CEACAM21: variants seen among roughly 807,000 people sequenced by gnomAD.
CEACAM21 encodes the protein cell adhesion molecule CEACAM21.
CEACAM21 carries 38 observed loss-of-function variants against 33.2 expected under a neutral mutation model. The ratio of observed to expected loss-of-function variants is 1.14; its 90% CI spans 0.88 to 1.50. The LOEUF (loss-of-function observed/expected upper bound fraction) is 1.50, where lower values mean the gene tolerates loss of function less well. Among genes scored for constraint, CEACAM21 ranks in the 40% most tolerant of loss-of-function variants. CEACAM21 has a pLI of 0.00. For missense variants in CEACAM21, 385 were observed against 364.6 expected, an observed-to-expected ratio of 1.06 and a Z score of -0.46; for synonymous variants, 156 against 143.0, an observed-to-expected ratio of 1.09 and a Z score of -0.65.
At chr19:41,572,556 G>C (rs568289033), upstream of CEACAM21, among the ~76,000 whole-genome samples, 1 of 152,156 alleles carries the variant, frequency 6.6e-6, no homozygotes, top group Non-Finnish European at 1.5e-5. Flanking sequence ...CTGCTCTCTC[G>C]CCCAATGTTC....
intron 6 of CEACAM21, 64 bp downstream of exon 6, chr19:41,585,935 G>A: frequency 6.5e-7 from 1 of 1,541,628 alleles, no homozygotes; most frequent in Non-Finnish European, 8.9e-7. Context: ...TCAGGGCAGG[G>A]GGACTGTCAA....
rs1232057161 is a variant in CEACAM21, at chr19:41,585,492, C to A, written c.847C>A (p.Pro283Thr). The A allele has an allele frequency of 1.9e-6, 3 of 1,613,718 alleles. No homozygotes were observed. The highest frequency in any genetic ancestry group is 1.3e-5 in the African/African-American group (1 of 74,880). The change falls in exon 5 of 7, where the codon CCC (proline) becomes ACC (threonine). Residue 283 changes from proline (P) to threonine (T), a missense_variant. Physicochemically the swap from Pro to Thr is conservative, Grantham distance 38 (BLOSUM62 -1). Coordinates refer to ENST00000401445, the MANE Select transcript of CEACAM21 (RefSeq NM_001098506.4). ...GGAGCAGCAGCCCCCAGCCTCCACC[C>A]CCGGTGAGTGTCCCTTCAGTCTGGG... ...FREQQPPAST[P>T]GHGPSDSSIS is the part of the protein sequence containing the mutation.
chr19:41,554,013 T>C (rs578159453), intron 1 of CEACAM21, among the ~76,000 whole-genome samples: 4 of 152,228 alleles, frequency 2.6e-5, no homozygotes, highest in African/African-American at 9.6e-5. Context: ...TATATTTTGA[T>C]TAATCGTTAA....
intron 1 of CEACAM21, among the ~76,000 whole-genome samples, chr19:41,563,063 A>T (rs1212864230): frequency 6.6e-6 from 1 of 152,156 alleles, no homozygotes; most frequent in Non-Finnish European, 1.5e-5. Flanking sequence ...AAAAGCACAT[A>T]ACGAAATATA....
intron 1 of CEACAM21, among the ~76,000 whole-genome samples, chr19:41,554,636 C>T (rs2041431121): frequency 6.6e-6 from 1 of 151,924 alleles, no homozygotes; most frequent in Admixed American, 6.6e-5. Flanking sequence ...TAATGTTAAA[C>T]CTAATTCTTA....
At chr19:41,579,279 C>T in intron 2 of CEACAM21, 74 bp from the exon 3 acceptor site, 1 of 1,612,568 alleles carries the variant, frequency 6.2e-7, no homozygotes. Flanking sequence ...GGAGAATGTT[C>T]TAAATTTGAC....
chr19:41,560,086 G>A (rs570672352), intron 1 of CEACAM21, among the ~76,000 whole-genome samples: 2 of 152,166 alleles, frequency 1.3e-5, no homozygotes, highest in African/African-American at 4.8e-5. Context: ...TCCAATACAG[G>A]TAACACCAAA....
intron 2 of CEACAM21, among the ~76,000 whole-genome samples, chr19:41,578,285 A>G (rs1272048423): frequency 1.1e-4 from 17 of 150,582 alleles, no homozygotes; most frequent in African/African-American, 4.2e-4. Flanking sequence ...CTCCACCAGG[A>G]ATCAGGCCCA....
intron 3 of CEACAM21, among the ~76,000 whole-genome samples, chr19:41,581,334 G>C (rs2122267156): frequency 1.3e-5 from 2 of 152,302 alleles, no homozygotes; most frequent in East Asian, 3.9e-4. Flanking sequence ...TTCCCATAAG[G>C]GATACTTTTA....
intron 2 of CEACAM21, among the ~76,000 whole-genome samples, chr19:41,566,297 A>G (rs868938073): frequency 6.6e-6 from 1 of 152,234 alleles, no homozygotes; most frequent in Non-Finnish European, 1.5e-5. Context: ...GTGAGGATGC[A>G]TGTGTTTCCT....
At chr19:41,568,498 T>C (rs1378642713) in intron 2 of CEACAM21, among the ~76,000 whole-genome samples, 3 of 152,230 alleles carry the variant, frequency 2.0e-5, no homozygotes, top group Non-Finnish European at 2.9e-5. Context: ...TTCATTCTTC[T>C]GCATATGAAT....
At chr19:41,580,751 A>G (rs191507514) in intron 3 of CEACAM21, among the ~76,000 whole-genome samples, 1 of 152,294 alleles carries the variant, frequency 6.6e-6, no homozygotes, top group African/African-American at 2.4e-5. Flanking sequence ...GGTTCATGAC[A>G]TAGATATGAT....
intron 1 of CEACAM21, among the ~76,000 whole-genome samples, chr19:41,561,270 G>A (rs1048673522): frequency 1.3e-5 from 2 of 152,014 alleles, no homozygotes; most frequent in South Asian, 4.2e-4. Flanking sequence ...CCCAGGTATC[G>A]GGGATTACAG....
intron 1 of CEACAM21, chr19:41,555,214 C>A (rs2041462392): frequency 6.6e-6 from 1 of 151,884 alleles, no homozygotes; most frequent in Non-Finnish European, 1.5e-5. Context: ...GCACAGGTAT[C>A]CAACCCAGTA....
chr19:41,572,503 C>T (rs2042675246), upstream of CEACAM21, among the ~76,000 whole-genome samples: 3 of 152,234 alleles, frequency 2.0e-5, no homozygotes, highest in Middle Eastern at 3.4e-3. Flanking sequence ...AATGTTCCTC[C>T]TCTTCCCAGA....
At chr19:41,549,607 A>T (rs1174116720) in intron 1 of CEACAM21, 1 of 152,118 alleles carries the variant, frequency 6.6e-6, no homozygotes, top group East Asian at 1.9e-4. Flanking sequence ...TTTGGATCGA[A>T]TAGCTCCAAT....
At chr19:41,565,810 T>A (rs1436545815) in intron 2 of CEACAM21, among the ~76,000 whole-genome samples, 3 of 151,920 alleles carry the variant, frequency 2.0e-5, no homozygotes, top group African/African-American at 7.3e-5. Context: ...AATGGGCCAA[T>A]GAAGAAGATA....
At chr19:41,580,800 C>T (rs1032636778) in intron 3 of CEACAM21, among the ~76,000 whole-genome samples, 5 of 152,124 alleles carry the variant, frequency 3.3e-5, no homozygotes, top group Admixed American at 6.5e-5. Flanking sequence ...CAATCATTGG[C>T]CATTAATTGA....
At chr19:41,562,909 T>C (rs549560220) in intron 1 of CEACAM21, among the ~76,000 whole-genome samples, 4 of 152,126 alleles carry the variant, frequency 2.6e-5, no homozygotes, top group East Asian at 1.9e-4. Context: ...TTTGTATTTT[T>C]AGTAGAGATG....
Sources: gnomAD v4.1 joint callset for allele counts (sites outside exome capture counted in the v4.1 genomes callset) on GRCh38, gnomAD v4.1.1 for gene constraint, MANE v1.5 for transcripts, NCBI Gene and HGNC (gene_info 2026-07-23, HGNC 2026-07-21) for gene names.